The following MYCBP2 variants were observed in gnomAD, a reference collection of about 807,000 sequenced individuals.
MYCBP2 encodes E3 ubiquitin-protein ligase MYCBP2.
In MYCBP2, 120 loss-of-function variants were observed where a neutral mutation model predicts 525.3. The observed-to-expected ratio is 0.23, with a 90% CI of 0.20 to 0.27. The LOEUF (loss-of-function observed/expected upper bound fraction) is 0.27, where lower values mean the gene tolerates loss of function less well. Ranked by LOEUF, MYCBP2 falls within the 10% of genes least tolerant of loss-of-function variation. MYCBP2 has a pLI of 1.00. For missense variants in MYCBP2, 4,149 were observed against 5,657.1 expected, an observed-to-expected ratio of 0.73 and a Z score of 8.55; for synonymous variants, 1,894 against 1,955.8, an observed-to-expected ratio of 0.97 and a Z score of 0.83.
At chr13:77,161,842 T>C in intron 44 of MYCBP2, 64 bp downstream of exon 44, 1 of 1,260,478 alleles carries the variant, frequency 7.9e-7, no homozygotes, top group Non-Finnish European at 1.1e-6. Flanking sequence ...AATAGGCTGA[T>C]CTGAGTGACA....
chr13:77,158,326 T>A (rs577566979), intron 44 of MYCBP2, among the ~76,000 whole-genome samples: 7 of 152,246 alleles, frequency 4.6e-5, no homozygotes, highest in Non-Finnish European at 2.9e-5. Flanking sequence ...CAAAAATAAA[T>A]GCCTTGTCAG....
intron 82 of MYCBP2, among the ~76,000 whole-genome samples, chr13:77,046,183 A>G (rs2035525422): frequency 6.6e-6 from 1 of 152,186 alleles, no homozygotes; most frequent in Non-Finnish European, 1.5e-5. Context: ...TAAAAAAGAA[A>G]ATTATTATAT....
chr13:77,084,193 T>G (rs1244098404), intron 62 of MYCBP2, among the ~76,000 whole-genome samples: 1 of 152,184 alleles, frequency 6.6e-6, no homozygotes, highest in East Asian at 1.9e-4. Context: ...GAGAACTTCA[T>G]AAAAGTGGAA....
At chr13:77,162,434 ATCTT>A (rs112245465) in intron 43 of MYCBP2, among the ~76,000 whole-genome samples, 2 of 152,250 alleles carry the variant, frequency 1.3e-5, no homozygotes, top group African/African-American at 4.8e-5. Flanking sequence ...TTATTTATTG[ATCTT>A]TCTTTGATAG....
intron 32 of MYCBP2, 126 bp downstream of exon 32, chr13:77,184,977 C>T (rs1321576986): frequency 2.1e-6 from 2 of 939,892 alleles, no homozygotes; most frequent in Non-Finnish European, 3.1e-6. Context: ...AAGTCATGTA[C>T]ACCGAATGAT....
rs1184478275 is a variant in MYCBP2, at chr13:77,064,628, A to G, written c.12659T>C (p.Ile4220Thr). 2 of 1,611,744 alleles carry G rather than the reference A, an allele frequency of 1.2e-6. No individual in the cohort carries two copies. Among genetic ancestry groups the G allele is most frequent in the East Asian group, 4.5e-5 (2 of 44,716 alleles). Residue 4220 changes from isoleucine (I) to threonine (T), a missense_variant, in exon 73 of 83, where the codon ATT becomes ACT. Physicochemically the swap from Ile to Thr is moderately conservative, Grantham distance 89. This residue lies in a region of MYCBP2 where 148 missense variants were observed against 179.4 expected (regional missense o/e 0.82). Transcript: ENST00000544440. Reference protein sequence around the residue: ...EEEFRSPVRCIATTRLWLALA... With the variant: ...EEEFRSPVRCTATTRLWLALA... ...AGCAAAACCTACTCTAGTTGTTGCA[A>G]TACATCTCACTGGAGACCTAAATTC...
rs1594907276 is a variant in MYCBP2, at chr13:77,147,804, C to G, written c.7132-1587G>C. Among the ~76,000 whole-genome samples the G allele has an allele frequency of 3.3e-5, 5 of 152,208 alleles. No homozygotes were observed. In the South Asian group the frequency reaches 1.0e-3, roughly 32 times the overall value. On this transcript the variant is annotated intron_variant, in intron 47 of 82. Coordinates refer to ENST00000544440, the MANE Select transcript of MYCBP2 (RefSeq NM_015057.5). ...AAAGAAGAGACCATATTTCATCTTT[C>G]CATCCTCTACAATACTTGGCTCACT...
chr13:77,278,874 A>G lies in MYCBP2; in HGVS notation c.632T>C (p.Ile211Thr). 1 of 1,596,568 alleles carries G rather than the reference A, an allele frequency of 6.3e-7. No individual in the cohort carries two copies. The change falls in exon 4 of 83, where the codon ATC becomes ACC. Residue 211 changes from isoleucine (I) to threonine (T), a missense_variant. By Grantham distance (89) the Ile-to-Thr change is moderately conservative (BLOSUM62 -1). Transcript: ENST00000544440. ...TGGATGAGAAAATCGTGTCTCTTTG[A>G]TCAATTCAAAAACTTCACAAAGGCC... ...EVGLCEVFEL[I>T]KETRFSHPSL...
chr13:77,326,374 G>GGTACACACACGCAA lies in MYCBP2; in HGVS notation c.302+86_302+99dup. ...GGACTGAAAGCTCAATAAATGCGCA[G>GGTACACACACGCAA]GTACACACACGCAAGCACACACACA... On this transcript the variant is annotated intron_variant, in intron 1 of 82. Coordinates refer to ENST00000544440, the MANE Select transcript of MYCBP2 (RefSeq NM_015057.5). The surrounding 1 kb of genome is among the most constrained non-coding windows in gnomAD (Gnocchi z 4.2). 3 of 1,199,186 alleles carry GGTACACACACGCAA rather than the reference G, an allele frequency of 2.5e-6. No individual in the cohort carries two copies. The highest frequency in any genetic ancestry group is 3.4e-6 in the Non-Finnish European group (3 of 887,742). 74.3% of individuals were successfully genotyped at this position (1,199,186 alleles called of 1,614,324 possible).
At chr13:77,198,722 T>C (rs1193827621) in intron 26 of MYCBP2, among the ~76,000 whole-genome samples, 1 of 152,188 alleles carries the variant, frequency 6.6e-6, no homozygotes, top group East Asian at 1.9e-4. Context: ...GCCTACCAGA[T>C]GGAATCCTCC....
rs1462551493 is a variant in MYCBP2 at position 77,218,050 on chromosome 13, A to T, written c.2940-93T>A. On this transcript the variant is annotated intron_variant, in intron 20 of 82. Transcript: ENST00000544440. ...AGCAATGCAACAAGGAGTAGGAAAG[A>T]TAAAAGGCACTCATAAGAATATTCA... 8 of 762,122 alleles carry T rather than the reference A, an allele frequency of 1.0e-5. No individual in the cohort carries two copies. In the East Asian group the frequency reaches 2.1e-4, roughly 20 times the overall value. 47.2% of individuals were successfully genotyped at this position (762,122 alleles called of 1,614,324 possible).
chr13:77,236,871 A>C (rs2068007792), intron 17 of MYCBP2, among the ~76,000 whole-genome samples: 1 of 152,090 alleles, frequency 6.6e-6, no homozygotes, highest in Non-Finnish European at 1.5e-5. Flanking sequence ...TGCCTCTACA[A>C]AAAATAAATA....
chr13:77,322,049 A>C (rs2081718918), intron 1 of MYCBP2, among the ~76,000 whole-genome samples: 1 of 152,170 alleles, frequency 6.6e-6, no homozygotes, highest in Non-Finnish European at 1.5e-5. Context: ...AGTCCCAGCT[A>C]CTGGAGGAGA....
intron 18 of MYCBP2, among the ~76,000 whole-genome samples, chr13:77,227,054 C>T (rs2066378607): frequency 1.3e-5 from 2 of 152,068 alleles, no homozygotes; most frequent in African/African-American, 4.8e-5. Flanking sequence ...GAATTAACTG[C>T]TGGACCCAGA....
intron 29 of MYCBP2, 65 bp from the exon 30 acceptor site, chr13:77,189,112 T>C: frequency 8.6e-7 from 1 of 1,162,798 alleles, no homozygotes; most frequent in Non-Finnish European, 1.2e-6. Flanking sequence ...CTTTTTAAAG[T>C]ATATTATACA....
intron 58 of MYCBP2, among the ~76,000 whole-genome samples, chr13:77,093,925 C>T (rs1594469189): frequency 6.6e-6 from 1 of 152,268 alleles, no homozygotes; most frequent in Non-Finnish European, 1.5e-5. Flanking sequence ...TATAATTATG[C>T]TGTGTTAGCA....
intron 76 of MYCBP2, among the ~76,000 whole-genome samples, chr13:77,060,138 A>C (rs2038999022): frequency 6.6e-6 from 1 of 152,190 alleles, no homozygotes; most frequent in South Asian, 2.1e-4. Flanking sequence ...AAATACTTAA[A>C]GAAGAAACAG....
At chr13:77,131,509 CACAAACAA>C (rs1566645277) in intron 52 of MYCBP2, among the ~76,000 whole-genome samples, 1 of 56,694 alleles carries the variant, frequency 1.8e-5, no homozygotes, top group East Asian at 6.4e-4. Flanking sequence ...CACACACACA[CACAAACAA>C]ACACACACAC....
rs977813202 is a variant in MYCBP2, at chr13:77,326,244, C to G, written c.302+230G>C. On this transcript the variant is annotated intron_variant, in intron 1 of 82. Transcript: ENST00000544440. This position sits in a 1 kb window ranked among gnomAD's most constrained non-coding sequence, Gnocchi z 4.2. ...ATCCCCCCACATAGGCAGGCAGACA[C>G]ACACACACACACACACACACACACA... Among the ~76,000 whole-genome samples, 14 of 86,016 alleles carry G rather than the reference C, an allele frequency of 1.6e-4. No individual in the cohort carries two copies. The highest frequency in any genetic ancestry group is 7.8e-4 in the African/African-American group (14 of 17,934). The allele number at this position is 86,016 out of a possible 152,430, so 56.4% of individuals were successfully genotyped here.
Sources: allele counts gnomAD v4.1 joint callset (sites outside exome capture counted in the v4.1 genomes callset), GRCh38; gene constraint gnomAD v4.1.1; regional missense constraint gnomAD v4.1.1; non-coding constraint Gnocchi (gnomAD v3.1); transcripts MANE v1.5; gene names NCBI Gene and HGNC (gene_info 2026-07-23, HGNC 2026-07-21).